CUX1: variants seen among roughly 807,000 people sequenced by gnomAD.
CUX1 encodes the protein cut like homeobox 1, also known as protein CASP.
Under a neutral mutation model 158.8 loss-of-function variants are expected in CUX1, and 31 were observed. The ratio of observed to expected loss-of-function variants is 0.20; its 90% CI spans 0.15 to 0.26. The LOEUF (loss-of-function observed/expected upper bound fraction) is 0.26. CUX1 is among the 10% of genes least tolerant of loss of function. CUX1 has a pLI of 1.00. For missense variants in CUX1, 1,589 were observed against 2,014.6 expected, an observed-to-expected ratio of 0.79 and a Z score of 4.04; for synonymous variants, 879 against 862.1, an observed-to-expected ratio of 1.02 and a Z score of -0.34.
chr7:102,134,349 T>TA (rs1208685469), intron 8 of CUX1, among the ~76,000 whole-genome samples: 3 of 151,916 alleles, frequency 2.0e-5, no homozygotes, highest in Non-Finnish European at 4.4e-5. Context: ...AAATAAAAAT[T>TA]AAAAAAAATT....
At chr7:101,903,365 G>A (rs1448430827) in intron 1 of CUX1, among the ~76,000 whole-genome samples, 1 of 152,192 alleles carries the variant, frequency 6.6e-6, no homozygotes, top group African/African-American at 2.4e-5. Flanking sequence ...TAGGGGGCTG[G>A]CTGGGTCGGG....
intron 2 of CUX1, among the ~76,000 whole-genome samples, chr7:101,948,203 T>G (rs531916655): frequency 6.6e-6 from 1 of 152,370 alleles, no homozygotes; most frequent in South Asian, 2.1e-4. Flanking sequence ...GTTCCAACTT[T>G]CCATAGTAAA....
intron 8 of CUX1, among the ~76,000 whole-genome samples, chr7:102,132,176 G>A (rs958188146): frequency 6.6e-6 from 1 of 151,550 alleles, no homozygotes; most frequent in Non-Finnish European, 1.5e-5. Context: ...GTGGATAGAT[G>A]GATGGGCGGG....
chr7:102,117,509 G>A (rs977555456), intron 8 of CUX1, among the ~76,000 whole-genome samples: 7 of 151,844 alleles, frequency 4.6e-5, no homozygotes, highest in Admixed American at 2.0e-4. Flanking sequence ...GAGCCAGAGC[G>A]GGGAAAGGTA....
exon 22 of CUX1, chr7:102,282,740 G>A (rs781799480): frequency 1.2e-6 from 2 of 1,613,514 alleles, no homozygotes; most frequent in South Asian, 1.1e-5. Flanking sequence ...TGGAGCGAGA[G>A]CATGGAGAGG....
intron 1 of CUX1, among the ~76,000 whole-genome samples, chr7:101,853,584 G>GGGGTGTGTGTGTGTGTGTGT (rs754780783): frequency 7.1e-6 from 1 of 140,788 alleles, no homozygotes; most frequent in African/African-American, 2.7e-5. Flanking sequence ...CAATAGAAAG[G>GGGGTGTGTGTGTGTGTGTGT]GTGTGTGTGT....
intron 1 of CUX1, among the ~76,000 whole-genome samples, chr7:101,853,107 A>C (rs1208223758): frequency 6.6e-6 from 1 of 152,188 alleles, no homozygotes; most frequent in African/African-American, 2.4e-5. Context: ...CCCAACCCTA[A>C]GAATCAGAGC....
At chr7:101,993,470 C>T (rs1178806868) in intron 2 of CUX1, among the ~76,000 whole-genome samples, 1 of 152,222 alleles carries the variant, frequency 6.6e-6, no homozygotes, top group Non-Finnish European at 1.5e-5. Flanking sequence ...ATGCAGGATC[C>T]TCTGGGGGTG....
intron 17 of CUX1, among the ~76,000 whole-genome samples, chr7:102,275,737 G>A (rs552853122): frequency 5.9e-5 from 9 of 152,268 alleles, no homozygotes; most frequent in Admixed American, 1.3e-4. Context: ...AGCCAGGTGC[G>A]GTGGCTCACA....
At chr7:102,230,974 C>T (rs1554530461) in intron 21 of CUX1, among the ~76,000 whole-genome samples, 1 of 152,030 alleles carries the variant, frequency 6.6e-6, no homozygotes, top group Non-Finnish European at 1.5e-5. Flanking sequence ...AATCCTCCCA[C>T]CTCAGCCTAC....
intron 8 of CUX1, among the ~76,000 whole-genome samples, chr7:102,121,888 G>A (rs549336999): frequency 6.6e-6 from 1 of 152,140 alleles, no homozygotes; most frequent in Non-Finnish European, 1.5e-5. Context: ...TAATCAAGCA[G>A]CAAAGGTGAG....
At chr7:102,009,134 C>G (rs1278468506) in intron 2 of CUX1, among the ~76,000 whole-genome samples, 4 of 152,222 alleles carry the variant, frequency 2.6e-5, no homozygotes, top group Non-Finnish European at 4.4e-5. Context: ...TGGCGCCAGC[C>G]GCACCCAGAG....
Position 102,250,402 on chromosome 7 carries a change from C to A in CUX1, c.*1360C>A. On this transcript the variant is annotated 3_prime_UTR_variant, in exon 24 of 24. Transcript: ENST00000292535. ...ACCACTCTCCTGGATACCTGATGAA[C>A]TGAGCCCTCCCAGGGGAAGACACTC... is the stretch of plus-strand genomic sequence containing the variant. The A allele has an allele frequency of 1.0e-6, 1 of 985,548 alleles. No individual in the cohort carries two copies. Among genetic ancestry groups the A allele is most frequent in the South Asian group, 4.7e-5 (1 of 21,286 alleles). 61.1% of individuals were successfully genotyped at this position (985,548 alleles called of 1,614,324 possible). A position where few individuals can be genotyped will look rare whatever the true frequency, so the allele number is the denominator to read the frequency against.
In CUX1 at chr7:102,001,885, C is replaced by T. The variant is rs191152524; in HGVS notation, c.142-26213C>T. 1.2e-4 allele frequency among the ~76,000 whole-genome samples: 18 copies of T among 152,302 alleles called. No individual in the cohort carries two copies. The East Asian group carries it at 2.3e-3, about 20-fold the overall frequency. ...TGCTTAGTTGCTAATTAGATGTTTC[C>T]GCAAAGGTACTGAAATTGGAGGCAT... On this transcript the variant is annotated intron_variant, in intron 2 of 23. Coordinates refer to ENST00000292535, the MANE Select transcript of CUX1 (RefSeq NM_181552.4).
At chr7:101,946,904 T>G (rs1808450343) in intron 2 of CUX1, among the ~76,000 whole-genome samples, 1 of 152,232 alleles carries the variant, frequency 6.6e-6, no homozygotes, top group African/African-American at 2.4e-5. Flanking sequence ...GTGGCACCCC[T>G]GAACCAGTCT....
intron 8 of CUX1, among the ~76,000 whole-genome samples, chr7:102,130,038 T>C (rs1204229055): frequency 6.6e-6 from 1 of 152,208 alleles, no homozygotes; most frequent in Non-Finnish European, 1.5e-5. Flanking sequence ...ATTGAACTCA[T>C]TGATTTCCTT....
At chr7:102,269,572 A>ATTTTTTTTTTTTT (rs71123030) in intron 14 of CUX1, among the ~76,000 whole-genome samples, 171 of 107,724 alleles carry the variant, frequency 1.6e-3, no homozygotes, top group African/African-American at 2.1e-3. Context: ...TGCCCGGCTA[A>ATTTTTTTTTTTTT]TTTTTTTTTT....
At chr7:101,984,015 CAG>C (rs1452111314) in intron 2 of CUX1, among the ~76,000 whole-genome samples, 1 of 142,062 alleles carries the variant, frequency 7.0e-6, no homozygotes, top group Non-Finnish European at 1.5e-5. Flanking sequence ...GCCTGGGTGA[CAG>C]AGCTGAGACT....
chr7:101,829,515 G>A (rs1793746372), intron 1 of CUX1, among the ~76,000 whole-genome samples: 2 of 152,130 alleles, frequency 1.3e-5, no homozygotes, highest in South Asian at 4.1e-4. Flanking sequence ...ACTTTGCTGA[G>A]CTCCAGGAGT....
Sources: gnomAD v4.1 joint callset for allele counts (sites outside exome capture counted in the v4.1 genomes callset) on GRCh38, gnomAD v4.1.1 for gene constraint, MANE v1.5 for transcripts, NCBI Gene and HGNC (gene_info 2026-07-23, HGNC 2026-07-21) for gene names.